Variants in RORA observed in about 807,000 individuals in gnomAD.
RORA encodes the protein nuclear receptor ROR-alpha.
In RORA, 7 loss-of-function variants were observed where a neutral mutation model predicts 69.5. That is an observed-to-expected ratio of 0.10 (90% CI 0.06 to 0.19). The LOEUF (loss-of-function observed/expected upper bound fraction) is 0.19, where lower values mean the gene tolerates loss of function less well. RORA is among the 10% of genes least tolerant of loss of function. The probability of loss-of-function intolerance (pLI) is 1.00; values close to 1 mark genes in which losing one functional copy is unlikely to be tolerated. For missense variants in RORA, 457 were observed against 663.0 expected (o/e 0.69, Z 3.41); for synonymous variants, 261 against 240.8 (o/e 1.08, Z -0.78).
At chr15:61,011,886 T>C (rs1895098215) in intron 1 of RORA, among the ~76,000 whole-genome samples, 3 of 152,212 alleles carry the variant, frequency 2.0e-5, no homozygotes, top group African/African-American at 7.2e-5. Flanking sequence ...GAGGCACTCA[T>C]TTCCAGAGAG....
chr15:60,490,401 T>A lies in RORA; in HGVS notation c.*7054A>T, dbSNP rs866611232. 6.6e-6 allele frequency: 1 copy of A among 152,136 alleles called. No individual in the cohort carries two copies. Among genetic ancestry groups the A allele is most frequent in the East Asian group, 1.9e-4 (1 of 5,202 alleles). 9.4% of individuals were successfully genotyped at this position (152,136 alleles called of 1,614,324 possible). On this transcript the variant is annotated 3_prime_UTR_variant, in exon 11 of 11. Coordinates refer to ENST00000335670, the MANE Select transcript of RORA (RefSeq NM_134261.3). The surrounding 1 kb of genome is among the most constrained non-coding windows in gnomAD (Gnocchi z 4.1). ...GCATATTGTGGATTTGATAAACAGATAAATATTTGCACTGAGTAGGCTGTT... is the reference window on the plus strand; with the variant it reads ...GCATATTGTGGATTTGATAAACAGAAAAATATTTGCACTGAGTAGGCTGTT...
At chr15:60,733,120 C>T (rs2071451265) in intron 1 of RORA, among the ~76,000 whole-genome samples, 1 of 152,120 alleles carries the variant, frequency 6.6e-6, no homozygotes. Context: ...GTTGGAGACT[C>T]AATTATGCTT....
intron 1 of RORA, among the ~76,000 whole-genome samples, chr15:61,086,580 T>G (rs920975383): frequency 2.6e-5 from 4 of 152,158 alleles, no homozygotes; most frequent in Non-Finnish European, 5.9e-5. Context: ...AATAAAATTT[T>G]GAGTCAAAAT....
intron 1 of RORA, among the ~76,000 whole-genome samples, chr15:60,827,826 C>T (rs573448033): frequency 2.3e-4 from 35 of 152,326 alleles, no homozygotes; most frequent in African/African-American, 7.5e-4. Context: ...TTCTTGAAGA[C>T]TCCTTTATAG....
intron 2 of RORA, among the ~76,000 whole-genome samples, chr15:60,618,533 C>T (rs2069316819): frequency 6.6e-6 from 1 of 152,036 alleles, no homozygotes; most frequent in East Asian, 1.9e-4. Context: ...GTTATAGTTG[C>T]CCCTACCAAA....
At chr15:60,740,555 C>T (rs1241527665) in intron 1 of RORA, among the ~76,000 whole-genome samples, 1 of 152,156 alleles carries the variant, frequency 6.6e-6, no homozygotes, top group Non-Finnish European at 1.5e-5. Context: ...AGGTAAATAA[C>T]AGTAATTCCT....
In RORA at chr15:60,491,319, A is replaced by G. The variant is rs2065036770; in HGVS notation, c.*6136T>C. On this transcript the variant is annotated 3_prime_UTR_variant, in exon 11 of 11. Coordinates refer to ENST00000335670, the MANE Select transcript of RORA (RefSeq NM_134261.3). ...AGAGAACAACATAATGGCATGTGCA[A>G]CATGTCAAAGCTAATAGCAAGCTAT... The G allele has an allele frequency of 6.6e-6, 1 of 152,188 alleles. No homozygotes were observed. The highest frequency in any genetic ancestry group is 6.5e-5 in the Admixed American group (1 of 15,274). 9.4% of individuals were successfully genotyped at this position (152,188 alleles called of 1,614,324 possible).
Position 61,174,261 on chromosome 15 carries a change from C to T in RORA, c.166+54792G>A, listed in dbSNP as rs577971263. ...GAATCTGTCACGTCCCCCCTGCCCC[C>T]ACACCACCCAGCTTACATTCTGCCT... On this transcript the variant is annotated intron_variant, in intron 1 of 10. Coordinates refer to ENST00000335670, the MANE Select transcript of RORA (RefSeq NM_134261.3). Among the ~76,000 whole-genome samples the T allele has an allele frequency of 5.9e-5, 9 of 152,328 alleles. 1 individual carries two copies. The East Asian group carries it at 1.7e-3, about 29-fold the overall frequency.
In RORA at chr15:60,654,410, G is replaced by GGCAA. The variant is rs199869761; in HGVS notation, c.196+24243_196+24246dup. Among the ~76,000 whole-genome samples, 3 of 152,250 alleles carry GGCAA rather than the reference G, an allele frequency of 2.0e-5. 1 individual carries two copies. In the South Asian group the frequency reaches 6.2e-4, roughly 32 times the overall value. ...AGAATAAAGCATTCAAAACAAAGCAGGCAAGCAAGCAAGCAAACAGAAACC... is the reference window on the plus strand; with the variant it reads ...AGAATAAAGCATTCAAAACAAAGCAGGCAAGCAAGCAAGCAAGCAAACAGAAACC... On this transcript the variant is annotated intron_variant, in intron 2 of 10. Coordinates refer to ENST00000335670, the MANE Select transcript of RORA (RefSeq NM_134261.3).
chr15:60,627,983 A>G (rs915198917), intron 2 of RORA, among the ~76,000 whole-genome samples: 4 of 152,234 alleles, frequency 2.6e-5, no homozygotes, highest in Non-Finnish European at 4.4e-5. Flanking sequence ...TTTAATTTAA[A>G]TAAACTATTT....
intron 1 of RORA, among the ~76,000 whole-genome samples, chr15:61,158,059 G>A (rs189233259): frequency 2.0e-5 from 3 of 152,218 alleles, no homozygotes; most frequent in Admixed American, 6.5e-5. Context: ...CTGACTTGTC[G>A]GAAAACTTAC....
intron 2 of RORA, among the ~76,000 whole-genome samples, chr15:60,631,598 G>C (rs2069737858): frequency 6.6e-6 from 1 of 152,130 alleles, no homozygotes; most frequent in Non-Finnish European, 1.5e-5. Flanking sequence ...GTAAGGTGGG[G>C]GAACTCTACC....
intron 1 of RORA, among the ~76,000 whole-genome samples, chr15:60,830,943 G>T (rs2073034240): frequency 6.6e-6 from 1 of 152,198 alleles, no homozygotes; most frequent in East Asian, 1.9e-4. Context: ...GTGTGTGCAT[G>T]CACGTGTGTG....
chr15:60,649,726 A>T (rs1328319727), intron 2 of RORA, among the ~76,000 whole-genome samples: 2 of 152,110 alleles, frequency 1.3e-5, no homozygotes, highest in East Asian at 3.8e-4. Context: ...ATTTGGATTG[A>T]GCATCCATGG....
chr15:60,813,385 G>A (rs1246053563), intron 1 of RORA, among the ~76,000 whole-genome samples: 1 of 152,192 alleles, frequency 6.6e-6, no homozygotes, highest in Non-Finnish European at 1.5e-5. Flanking sequence ...TGCATGACGG[G>A]CTGTGTTTGC....
intron 1 of RORA, among the ~76,000 whole-genome samples, chr15:61,094,847 G>A (rs905312325): frequency 7.2e-5 from 11 of 152,342 alleles, no homozygotes; most frequent in African/African-American, 2.6e-4. Flanking sequence ...ATGGGCATAT[G>A]CCTCAGCAAT....
chr15:60,504,155 T>A (rs1248506179), intron 6 of RORA, among the ~76,000 whole-genome samples: 1 of 152,134 alleles, frequency 6.6e-6, no homozygotes, highest in East Asian at 1.9e-4. Context: ...CCACTTTACT[T>A]TGGGGGAAGG....
At chr15:61,114,272 G>A (rs914029674) in intron 1 of RORA, among the ~76,000 whole-genome samples, 1 of 151,922 alleles carries the variant, frequency 6.6e-6, no homozygotes, top group East Asian at 1.9e-4. Flanking sequence ...AGTGACAAAC[G>A]GCTGAAATTT....
intron 1 of RORA, among the ~76,000 whole-genome samples, chr15:60,945,563 T>C (rs1187651331): frequency 6.6e-6 from 1 of 152,122 alleles, no homozygotes; most frequent in East Asian, 1.9e-4. Flanking sequence ...GGAAAACGGC[T>C]CTTTCTCCAA....
Sources: allele counts gnomAD v4.1 joint callset (sites outside exome capture counted in the v4.1 genomes callset), GRCh38; gene constraint gnomAD v4.1.1; non-coding constraint Gnocchi (gnomAD v3.1); transcripts MANE v1.5; gene names NCBI Gene and HGNC (gene_info 2026-07-23, HGNC 2026-07-21).